TNFRSF1B: variants seen among roughly 807,000 people sequenced by gnomAD.
The protein encoded by TNFRSF1B is TNF receptor superfamily member 1B, also known as tumor necrosis factor receptor superfamily member 1B.
Under a neutral mutation model 44.6 loss-of-function variants are expected in TNFRSF1B, and 19 were observed. The ratio of observed to expected loss-of-function variants is 0.43; its 90% CI spans 0.30 to 0.62. TNFRSF1B has a LOEUF of 0.62. Ranked by LOEUF, TNFRSF1B falls within the 20% of genes least tolerant of loss-of-function variation. The probability of loss-of-function intolerance (pLI) is 0.16; values close to 1 mark genes in which losing one functional copy is unlikely to be tolerated. For missense variants in TNFRSF1B, 541 were observed against 619.9 expected (o/e 0.87, Z 1.35); for synonymous variants, 252 against 261.1 (o/e 0.97, Z 0.34).
chr1:12,167,477 G>A, intron 1 of TNFRSF1B: 2 of 431,702 alleles, frequency 4.6e-6, no homozygotes, highest in Non-Finnish European at 4.3e-6. Context: ...GGGCTGAGCA[G>A]CGGGTCCTGG....
At chr1:12,193,184 A>G (rs1639189366) in intron 6 of TNFRSF1B, 86 bp downstream of exon 6, 1 of 1,278,896 alleles carries the variant, frequency 7.8e-7, no homozygotes, top group Non-Finnish European at 1.1e-6. Context: ...GGTTTTACTG[A>G]GAGCCCACGG....
Position 12,208,629 on chromosome 1 carries a change from C to T in TNFRSF1B, c.*1609C>T, listed in dbSNP as rs888982185. On this transcript the variant is annotated 3_prime_UTR_variant, in exon 10 of 10. Coordinates refer to ENST00000376259, the MANE Select transcript of TNFRSF1B (RefSeq NM_001066.3). Reference sequence around the variant, plus strand: ...AGGGGCTCCTGGAAAGGCTCAGTCTCAGGAGCATGGGGATAAAGGAGAAGG... The same window carrying T: ...AGGGGCTCCTGGAAAGGCTCAGTCTTAGGAGCATGGGGATAAAGGAGAAGG... The T allele has an allele frequency of 6.6e-6, 1 of 152,382 alleles. No homozygotes were observed. The highest frequency in any genetic ancestry group is 1.5e-5 in the Non-Finnish European group (1 of 68,150). 9.4% of individuals were successfully genotyped at this position (152,382 alleles called of 1,614,324 possible). A position where few individuals can be genotyped will look rare whatever the true frequency, so the allele number is the denominator to read the frequency against.
At chr1:12,183,711 T>TCTATCTATCTATCTATCTATTCTA (rs1553163383) in intron 1 of TNFRSF1B, among the ~76,000 whole-genome samples, 1 of 93,224 alleles carries the variant, frequency 1.1e-5, no homozygotes, top group Non-Finnish European at 2.4e-5. Flanking sequence ...TATCTATCTA[T>TCTATCTATCTATCTATCTATTCTA]TCTATCTACC....
chr1:12,192,606 T>C (rs1479346039), intron 5 of TNFRSF1B, 82 bp downstream of exon 5: 1 of 1,356,314 alleles, frequency 7.4e-7, no homozygotes, highest in Non-Finnish European at 1.1e-6. Context: ...ACAGAGCAGC[T>C]CACCAACCAC....
intron 9 of TNFRSF1B, among the ~76,000 whole-genome samples, chr1:12,205,514 G>A (rs1639482720): frequency 6.6e-6 from 1 of 152,196 alleles, no homozygotes; most frequent in African/African-American, 2.4e-5. Context: ...TGGGGTTGAA[G>A]CCAGGACAGA....
chr1:12,182,728 C>T (rs1212650873), intron 1 of TNFRSF1B, among the ~76,000 whole-genome samples: 1 of 152,234 alleles, frequency 6.6e-6, no homozygotes, highest in Non-Finnish European at 1.5e-5. Context: ...TGGCCTGGCA[C>T]ATAGTAGTTG....
At chr1:12,191,689 G>T in intron 3 of TNFRSF1B, 85 bp from the exon 4 acceptor site, 1 of 1,572,236 alleles carries the variant, frequency 6.4e-7, no homozygotes, top group Non-Finnish European at 8.7e-7. Context: ...GAGATCCGCT[G>T]TCTGAGAGTG....
chr1:12,190,497 C>CA (rs1475411686), intron 2 of TNFRSF1B, among the ~76,000 whole-genome samples: 2 of 142,542 alleles, frequency 1.4e-5, no homozygotes, highest in African/African-American at 5.1e-5. Flanking sequence ...ACTGAGTCAA[C>CA]TTTTTTTTAA....
Position 12,202,226 on chromosome 1 carries a change from C to T in TNFRSF1B, c.1105+55C>T. On this transcript the variant is annotated intron_variant, in intron 9 of 9. Transcript: ENST00000376259. ...CCCAAGCCTCCTTGGTCTTTCTCACCTGGTTTCTGTCTTAGCCATCTCCTC... is the reference window on the plus strand; with the variant it reads ...CCCAAGCCTCCTTGGTCTTTCTCACTTGGTTTCTGTCTTAGCCATCTCCTC... 2.0e-6 allele frequency: 3 copies of T among 1,529,062 alleles called. No individual in the cohort carries two copies. The South Asian group carries it at 3.6e-5, about 18-fold the overall frequency. 94.7% of individuals were successfully genotyped at this position (1,529,062 alleles called of 1,614,324 possible).
At chr1:12,201,471 TAA>T (rs79883375) in intron 8 of TNFRSF1B, among the ~76,000 whole-genome samples, 42 of 126,546 alleles carry the variant, frequency 3.3e-4, no homozygotes, top group Admixed American at 4.0e-4. Context: ...CTTTATAGAG[TAA>T]AAAAAAAAAA....
chr1:12,203,574 G>A (rs1409475803), intron 9 of TNFRSF1B, among the ~76,000 whole-genome samples: 3 of 152,096 alleles, frequency 2.0e-5, no homozygotes, highest in African/African-American at 7.2e-5. Context: ...TCTCATCAGT[G>A]CCCCTCACTC....
chr1:12,168,773 C>T lies in TNFRSF1B; in HGVS notation c.78+1604C>T, dbSNP rs769860204. 2.0e-5 allele frequency among the ~76,000 whole-genome samples: 3 copies of T among 152,122 alleles called. No individual in the cohort carries two copies. Among genetic ancestry groups the T allele is most frequent in the Non-Finnish European group, 4.4e-5 (3 of 68,020 alleles). On this transcript the variant is annotated intron_variant, in intron 1 of 9. Transcript: ENST00000376259. The surrounding 1 kb of genome is among the most constrained non-coding windows in gnomAD (Gnocchi z 4.7). ...CCCACGACCCCACCCGGACTATTGC[C>T]GCAGCCTTGTAGCTGGTCTCCCGGC...
chr1:12,181,738 G>T (rs891481659), intron 1 of TNFRSF1B, among the ~76,000 whole-genome samples: 5 of 152,180 alleles, frequency 3.3e-5, no homozygotes, highest in African/African-American at 1.2e-4. Context: ...CAGAAGCTGA[G>T]CATGGAAGCC....
intron 1 of TNFRSF1B, among the ~76,000 whole-genome samples, chr1:12,182,109 A>G (rs1638825704): frequency 6.6e-6 from 1 of 152,200 alleles, no homozygotes; most frequent in Non-Finnish European, 1.5e-5. Flanking sequence ...CTTCCTGGCC[A>G]GGGAGGAAAC....
At chr1:12,185,956 T>C (rs1473154312) in intron 1 of TNFRSF1B, among the ~76,000 whole-genome samples, 1 of 151,702 alleles carries the variant, frequency 6.6e-6, no homozygotes, top group Non-Finnish European at 1.5e-5. Flanking sequence ...TCCTTCAGGG[T>C]GGGGTGCGGG....
At chr1:12,194,124 G>A (rs1004706588) in intron 7 of TNFRSF1B, 92 bp downstream of exon 7, 2 of 1,053,284 alleles carry the variant, frequency 1.9e-6, no homozygotes, top group Non-Finnish European at 2.9e-6. Context: ...CAGCCTTAGG[G>A]GTCAGACAGA....
rs868173562 is a variant in TNFRSF1B at position 12,188,722 on chromosome 1, G to A, written c.79-74G>A. 1.9e-5 allele frequency: 26 copies of A among 1,380,790 alleles called. No individual in the cohort carries two copies. In the Middle Eastern group the frequency reaches 9.0e-4, roughly 48 times the overall value. The allele number at this position is 1,380,790 out of a possible 1,614,324, so 85.5% of individuals were successfully genotyped here. A position where few individuals can be genotyped will look rare whatever the true frequency, so the allele number is the denominator to read the frequency against. On this transcript the variant is annotated intron_variant, in intron 1 of 9. Transcript: ENST00000376259. ...GGGGAGGGCCAAACATTTGCAGGGC[G>A]GGGACCTGGGCATCAGGCATGGCAG... is the stretch of plus-strand genomic sequence containing the variant.
At chr1:12,183,605 CTAT>C (rs750223667) in intron 1 of TNFRSF1B, among the ~76,000 whole-genome samples, 1 of 147,980 alleles carries the variant, frequency 6.8e-6, no homozygotes, top group Non-Finnish European at 1.5e-5. Context: ...TTTTATCTAT[CTAT>C]CTATCTGTTT....
At chr1:12,203,900 T>G (rs946897180) in intron 9 of TNFRSF1B, among the ~76,000 whole-genome samples, 1 of 152,190 alleles carries the variant, frequency 6.6e-6, no homozygotes, top group African/African-American at 2.4e-5. Flanking sequence ...TGGCTAACTT[T>G]TGTACTTTTA....
Sources: gnomAD v4.1 joint callset for allele counts (sites outside exome capture counted in the v4.1 genomes callset) on GRCh38, gnomAD v4.1.1 for gene constraint, Gnocchi (gnomAD v3.1) non-coding constraint, MANE v1.5 for transcripts, NCBI Gene and HGNC (gene_info 2026-07-23, HGNC 2026-07-21) for gene names.